VPS8: variants seen among roughly 807,000 people sequenced by gnomAD.
VPS8 encodes the protein VPS8 subunit of CORVET complex.
In VPS8, 129 loss-of-function variants were observed where a neutral mutation model predicts 216.4. That is an observed-to-expected ratio of 0.60 (90% confidence interval 0.52 to 0.69). The LOEUF is 0.69. Ranked by LOEUF, VPS8 falls within the 30% of genes least tolerant of loss-of-function variation. The pLI, the probability that VPS8 is intolerant of heterozygous loss-of-function variation, is 0.00. For synonymous variants in VPS8, 571 were observed against 565.4 expected (o/e 1.01, Z -0.14); for missense variants, 1,531 against 1,683.5 (o/e 0.91, Z 1.59).
At chr3:184,925,854 A>G (rs1228728334) in intron 30 of VPS8, among the ~76,000 whole-genome samples, 4 of 149,484 alleles carry the variant, frequency 2.7e-5, no homozygotes, top group South Asian at 2.1e-4. Flanking sequence ...GCTCACTGCA[A>G]CCTTGGCCTC....
intron 36 of VPS8, chr3:184,944,412 C>T (rs1473698737): frequency 5.9e-6 from 4 of 682,088 alleles, no homozygotes; most frequent in Non-Finnish European, 5.4e-6. Flanking sequence ...ACGTAAAGCC[C>T]GACTCTACCC....
chr3:185,041,893 T>C (rs777026342), intron 46 of VPS8, among the ~76,000 whole-genome samples: 4 of 152,172 alleles, frequency 2.6e-5, no homozygotes, highest in Non-Finnish European at 5.9e-5. Flanking sequence ...GTATCAAACA[T>C]TGGATTGGGC....
At chr3:185,015,565 T>C (rs971802416) in intron 45 of VPS8, among the ~76,000 whole-genome samples, 9 of 152,246 alleles carry the variant, frequency 5.9e-5, no homozygotes, top group African/African-American at 2.2e-4. Context: ...TTACCATTAC[T>C]AGACCCATCT....
intron 47 of VPS8, among the ~76,000 whole-genome samples, chr3:185,051,432 G>C (rs2108563632): frequency 6.6e-6 from 1 of 152,240 alleles, no homozygotes; most frequent in Middle Eastern, 3.4e-3. Flanking sequence ...GTCATAATTA[G>C]TCATTCACCC....
Position 185,024,402 on chromosome 3 carries a change from T to C in VPS8, c.4056+13T>C. 1.3e-6 allele frequency: 2 copies of C among 1,588,736 alleles called. No homozygotes were observed. Among genetic ancestry groups the C allele is most frequent in the South Asian group, 1.2e-5 (1 of 86,806 alleles). ...CACTGCTAAAAAGGTGAGTTTGTTTTAAAGGCAAAAAACCAGTTCTTCCTT... is the reference window on the plus strand; with the variant it reads ...CACTGCTAAAAAGGTGAGTTTGTTTCAAAGGCAAAAAACCAGTTCTTCCTT... On this transcript the variant is annotated intron_variant, in intron 46 of 47. Transcript: ENST00000625842.
At position 184,849,136 on chromosome 3, in the gene VPS8, T is replaced by C; in HGVS notation, c.607T>C (p.Ser203Pro). The C allele has an allele frequency of 6.2e-7, 1 of 1,613,704 alleles. No homozygotes were observed. The highest frequency in any genetic ancestry group is 8.5e-7 in the Non-Finnish European group (1 of 1,179,658). Residue 203 changes from serine (S) to proline (P), a missense_variant, in exon 9 of 48, where the codon TCT becomes CCT. By Grantham distance (74) the Ser-to-Pro change is moderately conservative. Coordinates refer to ENST00000625842, the MANE Select transcript of VPS8 (RefSeq NM_001009921.3). ...TGTTGGAGGTCAGTATGGCGCTATCTCTGCCCTCAGTATCAACAATGATTG... is the reference window on the plus strand; with the variant it reads ...TGTTGGAGGTCAGTATGGCGCTATCCCTGCCCTCAGTATCAACAATGATTG... ...TSVGGQYGAI[S>P]ALSINNDCSR...
intron 36 of VPS8, among the ~76,000 whole-genome samples, chr3:184,949,885 T>C (rs1442359878): frequency 6.6e-6 from 1 of 151,502 alleles, no homozygotes; most frequent in Non-Finnish European, 1.5e-5. Flanking sequence ...GTTTTTGTTG[T>C]TGTTGTTGTT....
At chr3:185,005,235 T>G (rs1036811345) in intron 45 of VPS8, among the ~76,000 whole-genome samples, 1 of 152,182 alleles carries the variant, frequency 6.6e-6, no homozygotes, top group Non-Finnish European at 1.5e-5. Flanking sequence ...TGGTCTACAT[T>G]CCTATTTTTA....
chr3:184,883,949 A>C (rs1730721020), intron 21 of VPS8, among the ~76,000 whole-genome samples: 1 of 152,194 alleles, frequency 6.6e-6, no homozygotes, highest in East Asian at 1.9e-4. Flanking sequence ...AGTGTTTTCA[A>C]ATTTTTTATT....
Position 184,860,027 on chromosome 3 carries a change from A to T in VPS8, c.1186A>T (p.Lys396Ter), listed in dbSNP as rs1725974193. Residue 396 changes from lysine (K) to a stop codon, truncating the protein, a stop_gained, in exon 15 of 48, where the codon AAG becomes TAG. Coordinates refer to ENST00000625842, the MANE Select transcript of VPS8 (RefSeq NM_001009921.3). LOFTEE classifies it high-confidence loss of function. ...ESGAIHVTKQKHLHLYYDLIN... is the reference protein window; with the variant it reads ...ESGAIHVTKQ The stretch of plus-strand genomic sequence containing the variant: ...TGGAGCAATACATGTTACTAAGCAA[A>T]AGCATCTTCACCTATACTATGACCT... 7.4e-6 allele frequency: 12 copies of T among 1,613,240 alleles called. No homozygotes were observed. The highest frequency in any genetic ancestry group is 1.0e-5 in the Non-Finnish European group (12 of 1,179,612).
At chr3:184,894,508 G>GTATATATATATATATATA (rs756172890) in intron 22 of VPS8, among the ~76,000 whole-genome samples, 195 bp from the exon 23 acceptor site, 2,005 of 132,722 alleles carry the variant, frequency 0.015, 47 homozygotes, top group Non-Finnish European at 0.025. Context: ...ATATACACAC[G>GTATATATATATATATATA]TATATATATA....
intron 22 of VPS8, among the ~76,000 whole-genome samples, chr3:184,888,996 A>G (rs1335816152): frequency 6.6e-6 from 1 of 152,244 alleles, no homozygotes; most frequent in Non-Finnish European, 1.5e-5. Context: ...ATATAGGGAA[A>G]AAAATTGATT....
intron 28 of VPS8, among the ~76,000 whole-genome samples, chr3:184,917,853 G>A (rs1737886749): frequency 6.6e-6 from 1 of 152,180 alleles, no homozygotes; most frequent in Admixed American, 6.5e-5. Flanking sequence ...TAGATTGGGT[G>A]GCTCATAAAC....
chr3:184,940,134 C>A, intron 35 of VPS8, 63 bp from the exon 36 acceptor site: 1 of 988,718 alleles, frequency 1.0e-6, no homozygotes, highest in South Asian at 1.8e-5. Flanking sequence ...AGTTCTTTAC[C>A]ATGGAATATT....
intron 21 of VPS8, among the ~76,000 whole-genome samples, chr3:184,874,224 A>T (rs1341570281): frequency 6.6e-6 from 1 of 152,162 alleles, no homozygotes; most frequent in African/African-American, 2.4e-5. Context: ...ATATTCCTGG[A>T]ATGCCTGTGA....
chr3:184,908,714 T>TG (rs1046883052), intron 25 of VPS8, among the ~76,000 whole-genome samples: 2 of 152,080 alleles, frequency 1.3e-5, no homozygotes, highest in African/African-American at 4.8e-5. Context: ...CCAAGAAGAA[T>TG]GAGGATATGC....
intron 5 of VPS8, among the ~76,000 whole-genome samples, chr3:184,835,161 A>G (rs987408750): frequency 3.3e-5 from 5 of 151,106 alleles, no homozygotes; most frequent in African/African-American, 1.2e-4. Flanking sequence ...TGTAATTCAC[A>G]AAAGTATTTT....
At chr3:184,928,932 TTA>T (rs1386601555) in intron 32 of VPS8, among the ~76,000 whole-genome samples, 1 of 152,182 alleles carries the variant, frequency 6.6e-6, no homozygotes, top group Non-Finnish European at 1.5e-5. Flanking sequence ...TATGCTGTAT[TTA>T]TATGACATGT....
At chr3:184,894,026 C>T (rs192215530) in intron 22 of VPS8, among the ~76,000 whole-genome samples, 21 of 152,148 alleles carry the variant, frequency 1.4e-4, no homozygotes, top group Non-Finnish European at 1.6e-4. Context: ...TAAACATTGT[C>T]GAGGTTGTTG....
Sources: gnomAD v4.1 joint callset for allele counts (sites outside exome capture counted in the v4.1 genomes callset) on GRCh38, gnomAD v4.1.1 for gene constraint, MANE v1.5 for transcripts, NCBI Gene and HGNC (gene_info 2026-07-23, HGNC 2026-07-21) for gene names.